The following STON2 variants were observed in gnomAD, a reference collection of about 807,000 sequenced individuals.
STON2 encodes the protein stonin-2.
STON2 carries 29 observed loss-of-function variants against 65.7 expected under a neutral mutation model. The ratio of observed to expected loss-of-function variants is 0.44; its 90% CI spans 0.33 to 0.60. The LOEUF is 0.60. Among genes scored for constraint, STON2 ranks in the 20% least tolerant of loss-of-function variants. The probability of loss-of-function intolerance (pLI) is 0.03; values close to 1 mark genes in which losing one functional copy is unlikely to be tolerated. For synonymous variants in STON2, 404 were observed against 414.2 expected (o/e 0.98, Z 0.30); for missense variants, 1,054 against 1,118.1 (o/e 0.94, Z 0.82).
upstream of STON2, among the ~76,000 whole-genome samples, chr14:81,401,772 T>C (rs1276684741): frequency 6.6e-6 from 1 of 152,108 alleles, no homozygotes; most frequent in Admixed American, 6.5e-5. Flanking sequence ...TACAAAAATT[T>C]GTAGAAGGGA....
chr14:81,397,391 A>G (rs569300815), intron 2 of STON2, among the ~76,000 whole-genome samples: 3 of 152,376 alleles, frequency 2.0e-5, no homozygotes, highest in East Asian at 3.9e-4. Flanking sequence ...CTGAAAATTT[A>G]TAATTTCAAC....
At chr14:81,365,621 T>G (rs951104757) in intron 4 of STON2, among the ~76,000 whole-genome samples, 1 of 151,958 alleles carries the variant, frequency 6.6e-6, no homozygotes, top group African/African-American at 2.4e-5. Context: ...CCAGACATGG[T>G]GGTACGTGCC....
intron 3 of STON2, among the ~76,000 whole-genome samples, chr14:81,380,655 G>T (rs879723192): frequency 6.6e-6 from 1 of 152,180 alleles, no homozygotes; most frequent in Non-Finnish European, 1.5e-5. Flanking sequence ...AAAAAAATGA[G>T]ATCATGTCCT....
rs1566877665 is a variant in STON2 at position 81,267,166 on chromosome 14, G to C, written c.*1248C>G. 5 of 985,282 alleles carry C rather than the reference G, an allele frequency of 5.1e-6. No homozygotes were observed. Among genetic ancestry groups the C allele is most frequent in the Non-Finnish European group, 6.0e-6 (5 of 829,922 alleles). 61.0% of individuals were successfully genotyped at this position (985,282 alleles called of 1,614,324 possible). On this transcript the variant is annotated 3_prime_UTR_variant, in exon 8 of 8. Coordinates refer to ENST00000614646, the MANE Select transcript of STON2 (RefSeq NM_001394390.1). ...AACACTAAGATACAAATAAGAAGCA[G>C]AGGTGAGTAGGAACGGATGAAGGAA...
chr14:81,329,536 T>G (rs961738917), intron 4 of STON2, among the ~76,000 whole-genome samples: 1 of 151,544 alleles, frequency 6.6e-6, no homozygotes, highest in Admixed American at 6.6e-5. Flanking sequence ...GGAGTTATGC[T>G]GCCACAAGCC....
At chr14:81,356,513 C>T (rs1898240733) in intron 4 of STON2, among the ~76,000 whole-genome samples, 1 of 151,970 alleles carries the variant, frequency 6.6e-6, no homozygotes, top group Admixed American at 6.6e-5. Context: ...CAGGAGGATG[C>T]TGGCCTCATA....
intron 5 of STON2, among the ~76,000 whole-genome samples, chr14:81,322,431 C>A (rs1020845409): frequency 2.6e-5 from 4 of 152,174 alleles, no homozygotes; most frequent in African/African-American, 9.7e-5. Context: ...CCTACCCCCA[C>A]TTCTTGCTCA....
chr14:81,281,243 G>A (rs1307242413), intron 5 of STON2, among the ~76,000 whole-genome samples: 2 of 152,164 alleles, frequency 1.3e-5, no homozygotes, highest in Admixed American at 6.5e-5. Flanking sequence ...TCTGAAAATC[G>A]AAGGGAAAAC....
chr14:81,353,838 T>C (rs2140321758), intron 4 of STON2, among the ~76,000 whole-genome samples: 1 of 152,170 alleles, frequency 6.6e-6, no homozygotes, highest in Admixed American at 6.5e-5. Flanking sequence ...ACCTTGGTGG[T>C]AGCTCTGTGT....
At chr14:81,305,541 T>C (rs7149494) in intron 5 of STON2, among the ~76,000 whole-genome samples, 5,094 of 152,314 alleles carry the variant, frequency 0.033, 280 homozygotes, top group African/African-American at 0.11. Context: ...CTTTTGTCCA[T>C]TGGGTGGTCT....
At chr14:81,394,309 T>G (rs545320038) in intron 3 of STON2, among the ~76,000 whole-genome samples, 1 of 152,350 alleles carries the variant, frequency 6.6e-6, no homozygotes, top group South Asian at 2.1e-4. Context: ...CTTAAAATCA[T>G]TTTAGTATTG....
chr14:81,371,001 C>T lies in STON2; in HGVS notation c.558G>A (p.Gly186=). 2.5e-6 allele frequency: 4 copies of T among 1,612,554 alleles called. No homozygotes were observed. The highest frequency in any genetic ancestry group is 3.4e-6 in the Non-Finnish European group (4 of 1,179,926). Residue 186 remains glycine, a synonymous_variant, in exon 4 of 8, where the codon GGG becomes GGA. Coordinates refer to ENST00000614646, the MANE Select transcript of STON2 (RefSeq NM_001394390.1). The stretch of plus-strand genomic sequence containing the variant: ...GCTCCATCTTACCAGTTGAGTCAGC[C>T]CCAGAAGCCTGGCCACTCGTCTGCT... ...AEEQTSGQAS[G]ADSTDKRTEW...
intron 4 of STON2, among the ~76,000 whole-genome samples, chr14:81,329,858 TTCAAAGCTGCACAAG>T (rs533235655): frequency 1.2e-3 from 176 of 152,298 alleles, no homozygotes; most frequent in African/African-American, 3.7e-3. Context: ...CAGCTGACTC[TTCAAAGCTGCACAAG>T]TACCAACAGG....
intron 5 of STON2, among the ~76,000 whole-genome samples, chr14:81,302,540 C>T (rs903032120): frequency 6.6e-6 from 1 of 152,230 alleles, no homozygotes; most frequent in Non-Finnish European, 1.5e-5. Flanking sequence ...AGTCAAACTA[C>T]ACTCATTAAA....
chr14:81,315,761 C>T (rs149301304), intron 5 of STON2, among the ~76,000 whole-genome samples: 2 of 152,330 alleles, frequency 1.3e-5, no homozygotes, highest in East Asian at 3.9e-4. Flanking sequence ...ATTATGCTGG[C>T]TCCCAGGTTT....
Position 81,265,095 on chromosome 14 carries a change from AGTCCAG to A in STON2, c.*3313_*3318del, listed in dbSNP as rs1894304799. 1 of 985,028 alleles carries A rather than the reference AGTCCAG, an allele frequency of 1.0e-6. No individual in the cohort carries two copies. The highest frequency in any genetic ancestry group is 1.2e-6 in the Non-Finnish European group (1 of 829,746). 61.0% of individuals were successfully genotyped at this position (985,028 alleles called of 1,614,324 possible). On this transcript the variant is annotated 3_prime_UTR_variant, in exon 8 of 8. Coordinates refer to ENST00000614646, the MANE Select transcript of STON2 (RefSeq NM_001394390.1). The stretch of plus-strand genomic sequence containing the variant: ...GTGACCACAAAAAAAAAAAATAAAA[AGTCCAG>A]GTCCAGGGTTGCAAAAGTAGAATCT...
At chr14:81,402,683 C>T (rs1337540695), upstream of STON2, among the ~76,000 whole-genome samples, 2 of 152,122 alleles carry the variant, frequency 1.3e-5, no homozygotes, top group African/African-American at 2.4e-5. Context: ...AGTTTCAGAA[C>T]GAGTTTGAGC....
At chr14:81,430,321 G>A (rs540487233) in intron 1 of STON2, among the ~76,000 whole-genome samples, 13 of 152,328 alleles carry the variant, frequency 8.5e-5, no homozygotes, top group Admixed American at 3.9e-4. Flanking sequence ...CTGTGTCAGA[G>A]ACTGAGCATA....
intron 4 of STON2, among the ~76,000 whole-genome samples, chr14:81,369,079 G>A (rs1036143976): frequency 6.6e-6 from 1 of 152,220 alleles, no homozygotes; most frequent in African/African-American, 2.4e-5. Context: ...CTATCTCCCT[G>A]CTTGGTCAAA....
Sources: gnomAD v4.1 joint callset for allele counts (sites outside exome capture counted in the v4.1 genomes callset) on GRCh38, gnomAD v4.1.1 for gene constraint, MANE v1.5 for transcripts, NCBI Gene and HGNC (gene_info 2026-07-23, HGNC 2026-07-21) for gene names.